INTS13: variants seen among roughly 807,000 people sequenced by gnomAD.
The protein encoded by INTS13 is integrator complex subunit 13.
A neutral mutation model predicts 90.2 loss-of-function variants in INTS13; 35 were observed. That is an observed-to-expected ratio of 0.39 (90% CI 0.30 to 0.51). The LOEUF (loss-of-function observed/expected upper bound fraction) is 0.51. Among genes scored for constraint, INTS13 ranks in the 20% least tolerant of loss-of-function variants. The pLI is 0.80. For missense variants in INTS13, 601 were observed against 851.2 expected, an observed-to-expected ratio of 0.71 and a Z score of 3.66; for synonymous variants, 309 against 277.1, an observed-to-expected ratio of 1.11 and a Z score of -1.14.
At chr12:26,930,448 G>A (rs1938128724) in intron 3 of INTS13, among the ~76,000 whole-genome samples, 1 of 152,178 alleles carries the variant, frequency 6.6e-6, no homozygotes, top group Admixed American at 6.5e-5. Context: ...TAGACATAGA[G>A]ACACAGAAAG....
At chr12:26,937,572 C>CA (rs1449082153) in intron 1 of INTS13, 2 of 152,228 alleles carry the variant, frequency 1.3e-5, no homozygotes, top group African/African-American at 2.4e-5. Context: ...ACTGAATAGA[C>CA]AATCCACATT....
chr12:26,929,009 C>T (rs1234831612), intron 3 of INTS13, 104 bp from the exon 4 acceptor site: 1 of 996,702 alleles, frequency 1.0e-6, no homozygotes, highest in African/African-American at 1.6e-5. Flanking sequence ...CATATATGGA[C>T]ATGAACATTC....
chr12:26,917,024 T>A (rs2137456204), intron 10 of INTS13, among the ~76,000 whole-genome samples: 2 of 152,268 alleles, frequency 1.3e-5, no homozygotes, highest in South Asian at 4.1e-4. Context: ...TAATTATAGC[T>A]TCTAAAACAA....
At chr12:26,925,661 G>A in intron 6 of INTS13, 100 bp downstream of exon 6, 1 of 987,374 alleles carries the variant, frequency 1.0e-6, no homozygotes, top group South Asian at 1.8e-5. Context: ...ATATTTTCTT[G>A]GCAGAAAATA....
intron 9 of INTS13, 90 bp from the exon 10 acceptor site, chr12:26,917,531 A>C: frequency 8.1e-7 from 1 of 1,229,552 alleles, no homozygotes; most frequent in Non-Finnish European, 1.2e-6. Context: ...CACTGAGTTC[A>C]TTGAGTCCTG....
chr12:26,915,164 T>C (rs1951896305), intron 11 of INTS13, among the ~76,000 whole-genome samples: 1 of 152,156 alleles, frequency 6.6e-6, no homozygotes. Context: ...AGGCAGAGGT[T>C]GCAGTGAGCC....
chr12:26,931,201 G>C (rs1359559810), intron 3 of INTS13, among the ~76,000 whole-genome samples: 3 of 151,908 alleles, frequency 2.0e-5, no homozygotes, highest in Non-Finnish European at 2.9e-5. Context: ...CCAGCCCTTT[G>C]GGAGGCCGAG....
chr12:26,935,501 A>C (rs1352918453), intron 2 of INTS13, among the ~76,000 whole-genome samples: 1 of 152,218 alleles, frequency 6.6e-6, no homozygotes, highest in African/African-American at 2.4e-5. Flanking sequence ...ATATTTTACA[A>C]GTCACTTTAC....
intron 2 of INTS13, 37 bp downstream of exon 2, chr12:26,936,542 C>G: frequency 6.9e-7 from 1 of 1,452,508 alleles, no homozygotes; most frequent in Non-Finnish European, 9.6e-7. Flanking sequence ...TTAAGTACAT[C>G]CCCAAAATCA....
intron 15 of INTS13, among the ~76,000 whole-genome samples, chr12:26,910,367 T>G (rs972343192): frequency 6.6e-6 from 1 of 152,226 alleles, no homozygotes; most frequent in Non-Finnish European, 1.5e-5. Flanking sequence ...TTAATGAAAG[T>G]ATAACACTAC....
At position 26,911,189 on chromosome 12, in the gene INTS13, T is replaced by G; in HGVS notation, c.1934A>C (p.Glu645Ala). 1 of 1,612,738 alleles carries G rather than the reference T, an allele frequency of 6.2e-7. No homozygotes were observed. The change falls in exon 15 of 17, where the codon GAA becomes GCA. Residue 645 changes from glutamate (E) to alanine (A), a missense_variant. Glu to Ala is a moderately radical substitution (Grantham distance 107, BLOSUM62 -1). Around this residue, in one of 3 missense-constraint regions of INTS13, gnomAD observed 228 missense variants for 272.5 expected, o/e 0.84. Transcript: ENST00000261191. ...CAGCTGTACCTTACCTTTTGATTTT[T>G]CCACTTGTGGAGTTTCATCCATTTC... The part of the protein sequence containing the change: ...LVEMDETPQV[E>A]KSKGPVSLLS...
intron 15 of INTS13, among the ~76,000 whole-genome samples, chr12:26,910,140 TATA>T (rs1592196584): frequency 6.6e-6 from 1 of 152,186 alleles, no homozygotes; most frequent in South Asian, 2.1e-4. Context: ...AAATATTGTT[TATA>T]ATAATAACTA....
At chr12:26,906,005 T>C (rs1951596892) in intron 16 of INTS13, among the ~76,000 whole-genome samples, 1 of 152,198 alleles carries the variant, frequency 6.6e-6, no homozygotes, top group South Asian at 2.1e-4. Flanking sequence ...CATTTTCCTC[T>C]GTTATTTTAC....
chr12:26,919,417 T>C (rs904130145), intron 8 of INTS13, among the ~76,000 whole-genome samples: 3 of 152,092 alleles, frequency 2.0e-5, no homozygotes, highest in Admixed American at 6.6e-5. Flanking sequence ...CAGAAAAGCA[T>C]AGGCACGGGG....
intron 11 of INTS13, 25 bp downstream of exon 11, chr12:26,915,977 A>C: frequency 6.5e-7 from 1 of 1,529,970 alleles, no homozygotes; most frequent in Non-Finnish European, 8.8e-7. Flanking sequence ...TCAAAACTTA[A>C]AATTTATAGA....
chr12:26,928,251 G>A lies in INTS13; in HGVS notation c.538C>T (p.Gln180Ter). 6.2e-7 allele frequency: 1 copy of A among 1,609,734 alleles called. No homozygotes were observed. Among genetic ancestry groups the A allele is most frequent in the South Asian group, 1.1e-5 (1 of 90,686 alleles). The change falls in exon 5 of 17, where the codon CAG becomes TAG. Residue 180 changes from glutamine (Q) to a stop codon, truncating the protein, a stop_gained. Coordinates refer to ENST00000261191, the MANE Select transcript of INTS13 (RefSeq NM_018164.3). LOFTEE classifies it high-confidence loss of function. ...TTGTTATGTTCATGAATCGTTTCCT[G>A]GACACAGTCTTCAAGCATTCGCACA... ...SHVRMLEDCV[Q>*]ETIHEHNKLA...
chr12:26,926,608 A>G (rs1937890006), intron 5 of INTS13, among the ~76,000 whole-genome samples: 1 of 152,050 alleles, frequency 6.6e-6, no homozygotes, highest in Non-Finnish European at 1.5e-5. Flanking sequence ...ACTAGCTGTG[A>G]CACAATCACA....
At chr12:26,917,614 C>A (rs746108196) in intron 9 of INTS13, 30 bp downstream of exon 9, 8 of 1,571,098 alleles carry the variant, frequency 5.1e-6, no homozygotes, top group Non-Finnish European at 6.1e-6. Flanking sequence ...CTTTTGATTT[C>A]GTCTTTTTCA....
Position 26,916,163 on chromosome 12 carries a change from C to G in INTS13, c.1087G>C (p.Glu363Gln). ...TTAGAACCTGACTTTCGTGGTTGTT[C>G]CAATAAAACAGAACGACCTGTCAAA... ...FLLNGRSVLL[E>Q]QPRKSGSKVI... Residue 363 changes from glutamate (E) to glutamine (Q), a missense_variant, in exon 11 of 17, where the codon GAA (glutamate) becomes CAA (glutamine). Transcript: ENST00000261191. 1 of 1,609,614 alleles carries G rather than the reference C, an allele frequency of 6.2e-7. No individual in the cohort carries two copies. Among genetic ancestry groups the G allele is most frequent in the Non-Finnish European group, 8.5e-7 (1 of 1,178,434 alleles).
Sources: gnomAD v4.1 joint callset for allele counts (sites outside exome capture counted in the v4.1 genomes callset) on GRCh38, gnomAD v4.1.1 for gene constraint, gnomAD v4.1.1 regional missense constraint, MANE v1.5 for transcripts, NCBI Gene and HGNC (gene_info 2026-07-23, HGNC 2026-07-21) for gene names.